The following SLC2A11 variants were observed in gnomAD, a reference collection of about 807,000 sequenced individuals.
The protein encoded by SLC2A11 is solute carrier family 2, facilitated glucose transporter member 11.
A neutral mutation model predicts 52.1 loss-of-function variants in SLC2A11; 43 were observed. That is an observed-to-expected ratio of 0.82 (90% CI 0.65 to 1.06). The LOEUF is 1.06. SLC2A11 is among the 50% of genes least tolerant of loss of function. The probability of loss-of-function intolerance (pLI) is 0.00; values close to 1 mark genes in which losing one functional copy is unlikely to be tolerated. For missense variants in SLC2A11, 582 were observed against 654.2 expected (o/e 0.89, Z 1.20); for synonymous variants, 261 against 277.6 (o/e 0.94, Z 0.59).
chr22:23,877,808 G>A lies in SLC2A11; in HGVS notation c.633G>A (p.Leu211=), dbSNP rs1290967649. The part of the protein sequence containing the change: ...PGALQLASLP[L]LPESPRYLLI... ...CGCTCCAGCTCGCCTCCCTGCCTCT[G>A]CTCCCTGAAAGCCCGCGCTACCTCC... The change falls in exon 6 of 12, where the codon CTG becomes CTA. Residue 211 remains leucine, a synonymous_variant. Coordinates refer to ENST00000316185, the MANE Select transcript of SLC2A11 (RefSeq NM_001024939.4). The A allele has an allele frequency of 6.2e-7, 1 of 1,612,972 alleles. No individual in the cohort carries two copies. Among genetic ancestry groups the A allele is most frequent in the Non-Finnish European group, 8.5e-7 (1 of 1,179,666 alleles).
rs575199460 is a variant in SLC2A11, at chr22:23,882,307, C to CAG, written c.695-142_695-141dup. 7.2e-5 allele frequency: 48 copies of CAG among 667,482 alleles called. No individual in the cohort carries two copies. The East Asian group carries it at 1.1e-3, about 15-fold the overall frequency. The allele number at this position is 667,482 out of a possible 1,614,324, so 41.3% of individuals were successfully genotyped here. ...ACAGAGAGATTGAGAGAGACAGAGG[C>CAG]AGAGAGAGAGACACACACACACACA... On this transcript the variant is annotated intron_variant, in intron 6 of 11. Transcript: ENST00000316185.
chr22:23,864,002 C>T (rs1176090041), intron 2 of SLC2A11, among the ~76,000 whole-genome samples: 1 of 151,970 alleles, frequency 6.6e-6, no homozygotes, highest in Non-Finnish European at 1.5e-5. Flanking sequence ...AGAACTCACC[C>T]CACCAACAAA....
chr22:23,878,284 T>A (rs915526371), intron 6 of SLC2A11, among the ~76,000 whole-genome samples: 2 of 151,916 alleles, frequency 1.3e-5, no homozygotes, highest in Non-Finnish European at 2.9e-5. Context: ...CTGCTTCTTT[T>A]ATTCATGTAC....
At chr22:23,857,624 TCCCCAGCAC>T, upstream of SLC2A11, 1 of 850,746 alleles carries the variant, frequency 1.2e-6, no homozygotes, top group Non-Finnish European at 1.7e-6. Context: ...TGGGGCGAAC[TCCCCAGCAC>T]CCCCAGCCCT....
At chr22:23,857,382 C>A, upstream of SLC2A11, 1 of 1,562,030 alleles carries the variant, frequency 6.4e-7, no homozygotes, top group Non-Finnish European at 8.7e-7. Flanking sequence ...GGGGCTTGGC[C>A]GAGATGACCT....
chr22:23,884,131 C>T lies in SLC2A11; in HGVS notation c.1171+107C>T. ...GAATGCAATGTCCCCTGCAGGCCCT[C>T]AGAGACCACCTCATGCCGGGGCTTC... On this transcript the variant is annotated intron_variant, in intron 10 of 11. Transcript: ENST00000316185. This position sits in a 1 kb window ranked among gnomAD's most constrained non-coding sequence, Gnocchi z 4.3. The T allele has an allele frequency of 6.6e-7, 1 of 1,513,840 alleles. No individual in the cohort carries two copies. The highest frequency in any genetic ancestry group is 1.2e-5 in the South Asian group (1 of 82,676). 93.8% of individuals were successfully genotyped at this position (1,513,840 alleles called of 1,614,324 possible). A position where few individuals can be genotyped will look rare whatever the true frequency, so the allele number is the denominator to read the frequency against.
upstream of SLC2A11, chr22:23,857,215 G>T: frequency 1.3e-6 from 1 of 751,944 alleles, no homozygotes; most frequent in Non-Finnish European, 2.2e-6. Flanking sequence ...GCAGGGTTGC[G>T]GCTGAGGTCA....
chr22:23,857,941 C>T lies in SLC2A11; in HGVS notation c.-59C>T, dbSNP rs1319689991. The T allele has an allele frequency of 1.3e-6, 2 of 1,592,618 alleles. No individual in the cohort carries two copies. The highest frequency in any genetic ancestry group is 1.3e-5 in the African/African-American group (1 of 74,228). ...GCACAGGCTGCCGGCTCACCGCTTG[C>T]TAATGGCAGCCGGGGTCTCCCTGGG... On this transcript the variant is annotated 5_prime_UTR_variant, in exon 1 of 12. Transcript: ENST00000316185.
intron 5 of SLC2A11, 154 bp downstream of exon 5, chr22:23,877,325 C>A: frequency 7.9e-7 from 1 of 1,270,744 alleles, no homozygotes. Flanking sequence ...GCTGCCAATT[C>A]ACGAAATGGG....
At chr22:23,862,344 CCTGCAGGTTCA>C in intron 2 of SLC2A11, 142 bp downstream of exon 2, 1 of 700,782 alleles carries the variant, frequency 1.4e-6, no homozygotes, top group Non-Finnish European at 2.5e-6. Flanking sequence ...CCCACAGGTT[CCTGCAGGTTCA>C]AACTGAGCAT....
At position 23,884,097 on chromosome 22, in the gene SLC2A11, G is replaced by A; in HGVS notation, c.1171+73G>A. ...GTGATGGGTGCCTGGGTGCACAGTGGGTGGGTGTGAATGCAATGTCCCCTG... is the reference window on the plus strand; with the variant it reads ...GTGATGGGTGCCTGGGTGCACAGTGAGTGGGTGTGAATGCAATGTCCCCTG... On this transcript the variant is annotated intron_variant, in intron 10 of 11. Coordinates refer to ENST00000316185, the MANE Select transcript of SLC2A11 (RefSeq NM_001024939.4). The surrounding 1 kb of genome is among the most constrained non-coding windows in gnomAD (Gnocchi z 4.3). The A allele has an allele frequency of 1.3e-6, 2 of 1,571,134 alleles. No individual in the cohort carries two copies. Among genetic ancestry groups the A allele is most frequent in the Non-Finnish European group, 1.7e-6 (2 of 1,159,756 alleles).
intron 2 of SLC2A11, among the ~76,000 whole-genome samples, chr22:23,863,778 C>A (rs866558701): frequency 6.6e-6 from 1 of 152,116 alleles, no homozygotes; most frequent in Admixed American, 6.6e-5. Flanking sequence ...CAGGCATGTA[C>A]AACAAAGCCC....
chr22:23,874,287 A>T (rs369650394), intron 3 of SLC2A11, among the ~76,000 whole-genome samples: 24 of 152,138 alleles, frequency 1.6e-4, no homozygotes, highest in Admixed American at 6.5e-4. Context: ...ACATATTAGT[A>T]CCTTCATTGT....
intron 2 of SLC2A11, among the ~76,000 whole-genome samples, chr22:23,863,218 C>A (rs544526650): frequency 6.6e-6 from 1 of 152,200 alleles, no homozygotes; most frequent in African/African-American, 2.4e-5. Context: ...TAGAAGCCCA[C>A]CCCAGATACC....
Position 23,875,128 on chromosome 22 carries a change from T to C in SLC2A11, c.302T>C (p.Leu101Pro), listed in dbSNP as rs1288686890. 6.3e-7 allele frequency: 1 copy of C among 1,589,570 alleles called. No individual in the cohort carries two copies. Among genetic ancestry groups the C allele is most frequent in the Non-Finnish European group, 8.6e-7 (1 of 1,167,734 alleles). ...LAITLGRKKSLLVNNIFVVSA... is the reference protein window; with the variant it reads ...LAITLGRKKSPLVNNIFVVSA... ...TCACTTCCCCCAAGGAAGAAGTCCC[T>C]CCTGGTGAATAACATCTTTGTGGTG... Residue 101 changes from leucine to proline, a missense_variant, in exon 4 of 12, where the codon CTC becomes CCC. Transcript: ENST00000316185.
intron 2 of SLC2A11, among the ~76,000 whole-genome samples, chr22:23,863,608 GTTTTTTTTTTTTT>G (rs71184923): frequency 4.6e-5 from 4 of 86,784 alleles, no homozygotes; most frequent in Non-Finnish European, 6.6e-5. Flanking sequence ...TCTCTCTCTG[GTTTTTTTTTTTTT>G]TTTTTTTTTT....
chr22:23,860,103 A>G (rs1046809785), intron 1 of SLC2A11, among the ~76,000 whole-genome samples: 4 of 152,170 alleles, frequency 2.6e-5, no homozygotes, highest in African/African-American at 9.7e-5. Flanking sequence ...ATCTTAACAA[A>G]CGTGTCATTT....
intron 1 of SLC2A11, among the ~76,000 whole-genome samples, chr22:23,859,772 G>C (rs1334616299): frequency 6.6e-6 from 1 of 152,116 alleles, no homozygotes; most frequent in Non-Finnish European, 1.5e-5. Context: ...TGCAGGTGTG[G>C]GCCACGACAT....
chr22:23,878,732 A>G (rs1187869465), intron 6 of SLC2A11, among the ~76,000 whole-genome samples: 1 of 152,118 alleles, frequency 6.6e-6, no homozygotes, highest in Non-Finnish European at 1.5e-5. Context: ...ATTATTACTT[A>G]TGTCTCTCCT....
Sources: allele counts gnomAD v4.1 joint callset (sites outside exome capture counted in the v4.1 genomes callset), GRCh38; gene constraint gnomAD v4.1.1; non-coding constraint Gnocchi (gnomAD v3.1); transcripts MANE v1.5; gene names NCBI Gene and HGNC (gene_info 2026-07-23, HGNC 2026-07-21).